CFAP299: variants seen among roughly 807,000 people sequenced by gnomAD.
CFAP299 encodes the protein cilia- and flagella-associated protein 299.
CFAP299 carries 21 observed loss-of-function variants against 27.0 expected under a neutral mutation model. The ratio of observed to expected loss-of-function variants is 0.78; its 90% confidence interval spans 0.55 to 1.12. The LOEUF is 1.12. Among genes scored for constraint, CFAP299 ranks in the 50% most tolerant of loss-of-function variants. The probability of loss-of-function intolerance (pLI) is 0.00; values close to 1 mark genes in which losing one functional copy is unlikely to be tolerated. For missense variants in CFAP299, 310 were observed against 276.6 expected, an observed-to-expected ratio of 1.12 and a Z score of -0.86; for synonymous variants, 104 against 98.1, an observed-to-expected ratio of 1.06 and a Z score of -0.36.
chr4:80,726,261 T>A (rs1423938910), intron 3 of CFAP299, among the ~76,000 whole-genome samples: 5 of 152,148 alleles, frequency 3.3e-5, no homozygotes, highest in Non-Finnish European at 7.3e-5. Flanking sequence ...TTTTTCTCTA[T>A]GACACAATTA....
At chr4:80,548,376 G>A (rs1348949287) in intron 2 of CFAP299, among the ~76,000 whole-genome samples, 2 of 152,012 alleles carry the variant, frequency 1.3e-5, no homozygotes, top group African/African-American at 4.8e-5. Context: ...TACTAGGTAG[G>A]GACAGCTTGA....
chr4:80,616,719 A>T (rs1009421413), intron 3 of CFAP299, among the ~76,000 whole-genome samples: 4 of 152,156 alleles, frequency 2.6e-5, no homozygotes, highest in Non-Finnish European at 5.9e-5. Context: ...TGGTCCCAAC[A>T]TACTAGCCAG....
chr4:80,741,117 C>G (rs1724238399), intron 3 of CFAP299, among the ~76,000 whole-genome samples: 1 of 152,172 alleles, frequency 6.6e-6, no homozygotes, highest in South Asian at 2.1e-4. Context: ...GAAGGAGTCT[C>G]TCACTGCAGC....
intron 2 of CFAP299, among the ~76,000 whole-genome samples, chr4:80,416,248 G>A (rs1437663976): frequency 5.9e-5 from 9 of 152,158 alleles, no homozygotes; most frequent in South Asian, 2.1e-4. Context: ...CCAACTTGAC[G>A]TTGAAATTTA....
intron 3 of CFAP299, among the ~76,000 whole-genome samples, chr4:80,640,213 T>A (rs1739656975): frequency 6.6e-6 from 1 of 152,196 alleles, no homozygotes; most frequent in Non-Finnish European, 1.5e-5. Flanking sequence ...GTTATGGCTA[T>A]GAAGCCGGCT....
intron 2 of CFAP299, among the ~76,000 whole-genome samples, chr4:80,459,783 A>G (rs1354497141): frequency 6.6e-6 from 1 of 152,170 alleles, no homozygotes; most frequent in Admixed American, 6.5e-5. Context: ...TTAGGTCCAG[A>G]GTTCCCTTGA....
At chr4:80,814,807 T>C (rs1397883065) in intron 3 of CFAP299, among the ~76,000 whole-genome samples, 1 of 151,914 alleles carries the variant, frequency 6.6e-6, no homozygotes, top group Non-Finnish European at 1.5e-5. Flanking sequence ...GGTAACCTCT[T>C]ATCTCCATAA....
chr4:80,743,088 A>T (rs1019882391), intron 3 of CFAP299, among the ~76,000 whole-genome samples: 8 of 152,086 alleles, frequency 5.3e-5, no homozygotes, highest in Non-Finnish European at 1.0e-4. Context: ...TGTGCAGCTA[A>T]TTGTTCAAAA....
chr4:80,721,622 T>A (rs1722817073), intron 3 of CFAP299, among the ~76,000 whole-genome samples: 1 of 152,196 alleles, frequency 6.6e-6, no homozygotes, highest in Admixed American at 6.5e-5. Flanking sequence ...AACATATGAA[T>A]TTTGGGGGGA....
At chr4:80,495,079 A>C (rs1178431035) in intron 2 of CFAP299, among the ~76,000 whole-genome samples, 1 of 152,250 alleles carries the variant, frequency 6.6e-6, no homozygotes, top group Non-Finnish European at 1.5e-5. Context: ...AAGAAATCAC[A>C]GTTCATATGT....
At chr4:80,631,516 CTAGCATTTTTTCTTT>C (rs1739202421) in intron 3 of CFAP299, among the ~76,000 whole-genome samples, 1 of 152,048 alleles carries the variant, frequency 6.6e-6, no homozygotes, top group South Asian at 2.1e-4. Context: ...TGGCATTAAT[CTAGCATTTTTTCTTT>C]ATGCTTCATG....
chr4:80,662,095 G>T (rs7658342), intron 3 of CFAP299, among the ~76,000 whole-genome samples: 1 of 151,930 alleles, frequency 6.6e-6, no homozygotes, highest in Non-Finnish European at 1.5e-5. Context: ...TTTTAATTTC[G>T]CCCTGGTCCT....
intron 2 of CFAP299, among the ~76,000 whole-genome samples, chr4:80,370,512 A>C (rs1186928091): frequency 6.6e-6 from 1 of 152,220 alleles, no homozygotes; most frequent in East Asian, 1.9e-4. Context: ...TGTAAAATCA[A>C]AAACAAGTTA....
chr4:80,839,573 C>A (rs1055443314), intron 3 of CFAP299, among the ~76,000 whole-genome samples: 2 of 152,012 alleles, frequency 1.3e-5, no homozygotes, highest in Non-Finnish European at 2.9e-5. Flanking sequence ...GTAAAATGAC[C>A]ACTACAGCAA....
At chr4:80,341,085 T>G (rs970818437) in intron 1 of CFAP299, among the ~76,000 whole-genome samples, 19 of 152,154 alleles carry the variant, frequency 1.2e-4, no homozygotes, top group Middle Eastern at 6.3e-3. Context: ...CCAGACTGCT[T>G]CTTTGAGTTA....
At chr4:80,782,964 T>G (rs1727016242) in intron 3 of CFAP299, among the ~76,000 whole-genome samples, 1 of 151,914 alleles carries the variant, frequency 6.6e-6, no homozygotes, top group South Asian at 2.1e-4. Flanking sequence ...GACAAGTATG[T>G]AATTCTTATG....
At position 80,472,674 on chromosome 4, in the gene CFAP299, C is replaced by T. The variant is rs549899415; in HGVS notation, c.242+109790C>T. 3.9e-5 allele frequency among the ~76,000 whole-genome samples: 6 copies of T among 152,286 alleles called. No homozygotes were observed. The East Asian group carries it at 9.7e-4, about 25-fold the overall frequency. On this transcript the variant is annotated intron_variant, in intron 2 of 5. Transcript: ENST00000358105. Reference sequence around the variant, plus strand: ...AGCCGGCTGGACAGGAGAACCATAACCACTTATTAAAAGCATGCAGTTTAT... The same window carrying T: ...AGCCGGCTGGACAGGAGAACCATAATCACTTATTAAAAGCATGCAGTTTAT...
chr4:80,768,995 G>A (rs542845412), intron 3 of CFAP299, among the ~76,000 whole-genome samples: 2 of 152,312 alleles, frequency 1.3e-5, no homozygotes, highest in South Asian at 4.1e-4. Context: ...AAGAAACCAT[G>A]TGAGGTGCAG....
At chr4:80,375,793 C>G (rs1335374650) in intron 2 of CFAP299, among the ~76,000 whole-genome samples, 1 of 152,098 alleles carries the variant, frequency 6.6e-6, no homozygotes, top group African/African-American at 2.4e-5. Context: ...TCTTGAACCA[C>G]CAGTTTACTC....
Sources: allele counts gnomAD v4.1 joint callset (sites outside exome capture counted in the v4.1 genomes callset), GRCh38; gene constraint gnomAD v4.1.1; transcripts MANE v1.5; gene names NCBI Gene and HGNC (gene_info 2026-07-23, HGNC 2026-07-21).